Variants in PLCB1 observed in about 807,000 individuals in gnomAD.
PLCB1 encodes the protein phospholipase C beta 1, also known as 1-phosphatidylinositol 4,5-bisphosphate phosphodiesterase beta-1.
PLCB1 carries 46 observed loss-of-function variants against 161.8 expected under a neutral mutation model. That is an observed-to-expected ratio of 0.28 (90% CI 0.22 to 0.36). PLCB1 has a LOEUF of 0.36. PLCB1 is among the 10% of genes least tolerant of loss of function. PLCB1 has a pLI of 1.00. For missense variants in PLCB1, 1,016 were observed against 1,472.5 expected, an observed-to-expected ratio of 0.69 and a Z score of 5.07; for synonymous variants, 517 against 503.7, an observed-to-expected ratio of 1.03 and a Z score of -0.35.
intron 1 of PLCB1, among the ~76,000 whole-genome samples, chr20:8,143,670 G>A (rs1208210963): frequency 6.6e-6 from 1 of 152,192 alleles, no homozygotes; most frequent in African/African-American, 2.4e-5. Context: ...TGTGTCAGGT[G>A]GAGGGAACAG....
intron 3 of PLCB1, among the ~76,000 whole-genome samples, chr20:8,574,794 G>A (rs1283251154): frequency 6.6e-6 from 1 of 152,186 alleles, no homozygotes; most frequent in Non-Finnish European, 1.5e-5. Flanking sequence ...GTTGTTTCCA[G>A]GAGACATCAA....
At chr20:8,421,285 T>A (rs1453235377) in intron 3 of PLCB1, among the ~76,000 whole-genome samples, 2 of 152,230 alleles carry the variant, frequency 1.3e-5, no homozygotes, top group Non-Finnish European at 2.9e-5. Context: ...CCGAGAAAAT[T>A]TGTGGAAACT....
At chr20:8,812,519 A>G (rs2146254214) in intron 31 of PLCB1, among the ~76,000 whole-genome samples, 1 of 152,284 alleles carries the variant, frequency 6.6e-6, no homozygotes, top group Admixed American at 6.5e-5. Context: ...GGACTCAAGT[A>G]ATGAGTGGAC....
intron 2 of PLCB1, among the ~76,000 whole-genome samples, chr20:8,330,621 A>G (rs774165651): frequency 5.3e-5 from 8 of 152,216 alleles, no homozygotes; most frequent in Non-Finnish European, 8.8e-5. Flanking sequence ...TTTCTGAAGA[A>G]GTTGTTGGCT....
At chr20:8,659,130 A>G (rs921505790) in intron 9 of PLCB1, among the ~76,000 whole-genome samples, 1 of 152,216 alleles carries the variant, frequency 6.6e-6, no homozygotes. Flanking sequence ...TCCAGTATAT[A>G]CTATCTGATA....
chr20:8,440,470 G>A (rs1213696542), intron 3 of PLCB1, among the ~76,000 whole-genome samples: 1 of 152,094 alleles, frequency 6.6e-6, no homozygotes, highest in African/African-American at 2.4e-5. Flanking sequence ...TGTGGCACCT[G>A]GACTTTCTCC....
At chr20:8,507,770 G>GAAGAT (rs71331310) in intron 3 of PLCB1, among the ~76,000 whole-genome samples, 2,552 of 152,158 alleles carry the variant, frequency 0.017, 27 homozygotes, top group South Asian at 0.029. Flanking sequence ...CAATTATAAA[G>GAAGAT]AAGATAAGAA....
At chr20:8,436,128 C>T (rs1980289856) in intron 3 of PLCB1, among the ~76,000 whole-genome samples, 1 of 152,024 alleles carries the variant, frequency 6.6e-6, no homozygotes, top group African/African-American at 2.4e-5. Flanking sequence ...CAGTTGAGGC[C>T]AGGAGTTCGA....
At chr20:8,263,924 C>CT (rs1981829993) in intron 2 of PLCB1, among the ~76,000 whole-genome samples, 1 of 152,204 alleles carries the variant, frequency 6.6e-6, no homozygotes, top group African/African-American at 2.4e-5. Context: ...ACACTGTATA[C>CT]TTAGGCTAAA....
intron 26 of PLCB1, among the ~76,000 whole-genome samples, chr20:8,772,381 T>A (rs1982733326): frequency 1.3e-5 from 2 of 152,174 alleles, no homozygotes; most frequent in African/African-American, 4.8e-5. Context: ...AGAGCACAGG[T>A]GTTGCCCTTC....
chr20:8,671,686 T>C (rs1989947685), intron 9 of PLCB1, among the ~76,000 whole-genome samples: 1 of 152,198 alleles, frequency 6.6e-6, no homozygotes, highest in African/African-American at 2.4e-5. Flanking sequence ...TTAGGACCAA[T>C]GCAGAGTGCC....
chr20:8,509,747 TAGATA>T (rs1301688642), intron 3 of PLCB1, among the ~76,000 whole-genome samples: 1 of 149,782 alleles, frequency 6.7e-6, no homozygotes, highest in Non-Finnish European at 1.5e-5. Flanking sequence ...GATAGATAGA[TAGATA>T]GATAGATAGA....
intron 3 of PLCB1, among the ~76,000 whole-genome samples, chr20:8,398,662 T>C (rs545958494): frequency 8.5e-5 from 13 of 152,290 alleles, no homozygotes; most frequent in Middle Eastern, 6.8e-3. Context: ...CCAAAGTCCC[T>C]ACCTCCAACG....
chr20:8,321,794 C>A (rs1301872355), intron 2 of PLCB1, among the ~76,000 whole-genome samples: 2 of 152,162 alleles, frequency 1.3e-5, no homozygotes, highest in African/African-American at 4.8e-5. Flanking sequence ...GCATTGGGTT[C>A]TGGAGGACTT....
chr20:8,684,822 G>GC (rs2123398974), intron 9 of PLCB1, 110 bp from the exon 10 acceptor site: 1 of 701,268 alleles, frequency 1.4e-6, no homozygotes, highest in East Asian at 2.5e-5. Flanking sequence ...ATACTAAAAT[G>GC]TCTTCTACCT....
intron 2 of PLCB1, among the ~76,000 whole-genome samples, chr20:8,187,856 G>C (rs2051922839): frequency 6.6e-6 from 1 of 152,078 alleles, no homozygotes; most frequent in African/African-American, 2.4e-5. Flanking sequence ...TGGTGGTGGT[G>C]GTGGTGGTGT....
At chr20:8,536,048 C>T (rs2423364) in intron 3 of PLCB1, among the ~76,000 whole-genome samples, 105,131 of 151,818 alleles carry the variant, frequency 0.69, 36,546 homozygotes, top group Middle Eastern at 0.8. Context: ...AACTTGATTT[C>T]CCTTTGACTA....
At chr20:8,615,856 G>A (rs1308853242) in intron 3 of PLCB1, among the ~76,000 whole-genome samples, 1 of 152,032 alleles carries the variant, frequency 6.6e-6, no homozygotes, top group Non-Finnish European at 1.5e-5. Context: ...TTACATTTAT[G>A]TTCTCCTAGG....
intron 3 of PLCB1, among the ~76,000 whole-genome samples, chr20:8,378,912 C>G (rs1186744846): frequency 1.3e-5 from 2 of 152,174 alleles, no homozygotes; most frequent in Non-Finnish European, 2.9e-5. Context: ...TTTGCTCATT[C>G]ATAAAAGTAA....
Sources: allele counts gnomAD v4.1 joint callset (sites outside exome capture counted in the v4.1 genomes callset), GRCh38; gene constraint gnomAD v4.1.1; transcripts MANE v1.5; gene names NCBI Gene and HGNC (gene_info 2026-07-23, HGNC 2026-07-21).